SNTG1: variants seen among roughly 807,000 people sequenced by gnomAD.
The protein encoded by SNTG1 is syntrophin gamma 1.
Under a neutral mutation model 74.7 loss-of-function variants are expected in SNTG1, and 39 were observed. The observed-to-expected ratio is 0.52, with a 90% CI of 0.40 to 0.68. The LOEUF (loss-of-function observed/expected upper bound fraction) is 0.68. Ranked by LOEUF, SNTG1 falls within the 30% of genes least tolerant of loss-of-function variation. The probability of loss-of-function intolerance (pLI) is 0.00; values close to 1 mark genes in which losing one functional copy is unlikely to be tolerated. For synonymous variants in SNTG1, 254 were observed against 217.1 expected, an observed-to-expected ratio of 1.17 and a Z score of -1.49; for missense variants, 685 against 609.5, an observed-to-expected ratio of 1.12 and a Z score of -1.30.
At chr8:50,698,191 T>C (rs1323639825) in intron 15 of SNTG1, among the ~76,000 whole-genome samples, 2 of 152,186 alleles carry the variant, frequency 1.3e-5, no homozygotes, top group Admixed American at 6.5e-5. Flanking sequence ...TAGTAAGTTT[T>C]CAGGAATTTG....
intron 1 of SNTG1, among the ~76,000 whole-genome samples, chr8:49,960,404 T>C (rs1409864298): frequency 6.6e-6 from 1 of 152,162 alleles, no homozygotes; most frequent in Non-Finnish European, 1.5e-5. Context: ...AAGGGTTAAA[T>C]TGTATGTTTT....
intron 15 of SNTG1, among the ~76,000 whole-genome samples, chr8:50,684,740 CT>C (rs71235319): frequency 3.4e-4 from 46 of 135,158 alleles, no homozygotes; most frequent in Non-Finnish European, 5.4e-4. Context: ...TTTTTTTTTT[CT>C]TTTTTTTTAT....
chr8:49,953,145 C>T (rs1809870965), intron 1 of SNTG1, among the ~76,000 whole-genome samples: 1 of 151,988 alleles, frequency 6.6e-6, no homozygotes, highest in African/African-American at 2.4e-5. Flanking sequence ...GATTAAAGTC[C>T]AGGAATGACT....
At chr8:50,457,756 G>A (rs981800596) in intron 8 of SNTG1, among the ~76,000 whole-genome samples, 1 of 152,116 alleles carries the variant, frequency 6.6e-6, no homozygotes, top group African/African-American at 2.4e-5. Flanking sequence ...ATCGCGAATG[G>A]GAGTGTTGAA....
intron 2 of SNTG1, among the ~76,000 whole-genome samples, chr8:50,356,378 G>C (rs1211487636): frequency 6.6e-6 from 1 of 152,118 alleles, no homozygotes; most frequent in Non-Finnish European, 1.5e-5. Context: ...CAGGGATTTA[G>C]GGCCCAAAGG....
intron 9 of SNTG1, among the ~76,000 whole-genome samples, chr8:50,506,537 T>G (rs1192475645): frequency 6.6e-6 from 1 of 152,046 alleles, no homozygotes; most frequent in Non-Finnish European, 1.5e-5. Flanking sequence ...TTTTGTGGTT[T>G]TCAGTGTAAA....
At chr8:50,092,692 A>G (rs1422905265) in intron 1 of SNTG1, among the ~76,000 whole-genome samples, 1 of 152,110 alleles carries the variant, frequency 6.6e-6, no homozygotes, top group Non-Finnish European at 1.5e-5. Flanking sequence ...TTTCACAGGT[A>G]TTTCCCTAAT....
At chr8:50,680,518 A>AT (rs2095326854) in intron 15 of SNTG1, among the ~76,000 whole-genome samples, 1 of 152,072 alleles carries the variant, frequency 6.6e-6, no homozygotes, top group African/African-American at 2.4e-5. Flanking sequence ...AGTAGGCATC[A>AT]TTTTCAGATT....
intron 15 of SNTG1, among the ~76,000 whole-genome samples, chr8:50,703,347 A>C (rs112792764): frequency 6.3e-5 from 9 of 143,626 alleles, no homozygotes; most frequent in Admixed American, 2.8e-4. Context: ...ATAAAAAATA[A>C]GACAGAAACA....
intron 1 of SNTG1, among the ~76,000 whole-genome samples, chr8:50,055,031 C>T (rs1049818421): frequency 1.3e-5 from 2 of 152,042 alleles, no homozygotes; most frequent in Non-Finnish European, 2.9e-5. Context: ...CTGAACCACC[C>T]TGCCCTTTCT....
In SNTG1 at chr8:50,402,252, C is replaced by T. The variant is rs1268952417; in HGVS notation, c.70C>T (p.Pro24Ser). Residue 24 changes from proline to serine, a missense_variant, in exon 4 of 19, where the codon CCT becomes TCT. Pro to Ser is a moderately conservative substitution (Grantham distance 74). Transcript: ENST00000642720. The stretch of plus-strand genomic sequence containing the variant: ...TTTGCTGCAGGATGGTAACCAGGAG[C>T]CTTTCAAAGTGCGGCTGCACCTAGC... ...ICLLQDGNQE[P>S]FKVRLHLAKD... 1 of 1,612,160 alleles carries T rather than the reference C, an allele frequency of 6.2e-7. No homozygotes were observed. Among genetic ancestry groups the T allele is most frequent in the African/African-American group, 1.3e-5 (1 of 74,702 alleles).
chr8:50,318,981 GTATGTA>G (rs1331102748), intron 2 of SNTG1, among the ~76,000 whole-genome samples: 7 of 151,308 alleles, frequency 4.6e-5, no homozygotes, highest in Admixed American at 2.6e-4. Context: ...ATATATATAT[GTATGTA>G]TATGTATATG....
chr8:50,236,449 A>C (rs1261801123), intron 2 of SNTG1, among the ~76,000 whole-genome samples: 2 of 96,524 alleles, frequency 2.1e-5, no homozygotes, highest in East Asian at 4.4e-4. Flanking sequence ...TTTAATTGTA[A>C]ATTTTTTTTT....
At chr8:49,955,359 T>A (rs748964323) in intron 1 of SNTG1, among the ~76,000 whole-genome samples, 11 of 152,232 alleles carry the variant, frequency 7.2e-5, no homozygotes, top group Non-Finnish European at 1.3e-4. Flanking sequence ...GCTGGCTCGA[T>A]GGCAGGCTGT....
chr8:50,479,661 A>G (rs1563445883), intron 8 of SNTG1, among the ~76,000 whole-genome samples: 1 of 151,980 alleles, frequency 6.6e-6, no homozygotes, highest in Admixed American at 6.6e-5. Context: ...CTCACTGTGG[A>G]GTCTAGCCTT....
intron 16 of SNTG1, among the ~76,000 whole-genome samples, chr8:50,705,098 A>G (rs2095438973): frequency 6.6e-6 from 1 of 152,012 alleles, no homozygotes; most frequent in Non-Finnish European, 1.5e-5. Flanking sequence ...TGACCTCCTA[A>G]TTTCCAGCCT....
At chr8:50,753,140 C>G (rs914209226) in intron 18 of SNTG1, among the ~76,000 whole-genome samples, 1 of 151,938 alleles carries the variant, frequency 6.6e-6, no homozygotes, top group Non-Finnish European at 1.5e-5. Flanking sequence ...ACATGCCTCA[C>G]AAGTTTTTAG....
At chr8:50,403,971 A>G (rs919814891) in intron 4 of SNTG1, among the ~76,000 whole-genome samples, 1 of 152,210 alleles carries the variant, frequency 6.6e-6, no homozygotes, top group Non-Finnish European at 1.5e-5. Flanking sequence ...CGATATATAA[A>G]GAACAAAAAT....
At chr8:50,413,127 C>A (rs2092970201) in intron 4 of SNTG1, among the ~76,000 whole-genome samples, 1 of 152,036 alleles carries the variant, frequency 6.6e-6, no homozygotes, top group South Asian at 2.1e-4. Flanking sequence ...GTCATACTTA[C>A]AAAAAGATAT....
Sources: allele counts gnomAD v4.1 joint callset (sites outside exome capture counted in the v4.1 genomes callset), GRCh38; gene constraint gnomAD v4.1.1; transcripts MANE v1.5; gene names NCBI Gene and HGNC (gene_info 2026-07-23, HGNC 2026-07-21).